The following GPR39 variants were observed in gnomAD, a reference collection of about 807,000 sequenced individuals.
GPR39 encodes the protein zinc sensing receptor.
A neutral mutation model predicts 18.4 loss-of-function variants in GPR39; 23 were observed. That is an observed-to-expected ratio of 1.25 (90% confidence interval 0.90 to 1.77). The LOEUF is 1.77. Among genes scored for constraint, GPR39 ranks in the 40% most tolerant of loss-of-function variants. GPR39 has a pLI of 0.00. For missense variants in GPR39, 647 were observed against 602.4 expected (o/e 1.07, Z -0.78); for synonymous variants, 280 against 257.9 (o/e 1.09, Z -0.82).
chr2:132,620,990 A>G (rs977656911), intron 1 of GPR39, among the ~76,000 whole-genome samples: 4 of 152,056 alleles, frequency 2.6e-5, no homozygotes, highest in South Asian at 2.1e-4. Context: ...CTGACCTCAT[A>G]ATCCACCCAC....
At chr2:132,590,744 T>C (rs1369492458) in intron 1 of GPR39, among the ~76,000 whole-genome samples, 1 of 152,024 alleles carries the variant, frequency 6.6e-6, no homozygotes, top group Non-Finnish European at 1.5e-5. Flanking sequence ...ACCAACCACC[T>C]GGGAAGACTG....
At chr2:132,532,859 G>A (rs1044645742) in intron 1 of GPR39, among the ~76,000 whole-genome samples, 1 of 152,140 alleles carries the variant, frequency 6.6e-6, no homozygotes. Context: ...AATAATAAGA[G>A]CTATCTATGA....
At chr2:132,561,747 G>A (rs1680257340) in intron 1 of GPR39, among the ~76,000 whole-genome samples, 1 of 152,076 alleles carries the variant, frequency 6.6e-6, no homozygotes, top group Non-Finnish European at 1.5e-5. Flanking sequence ...GAAAGCTGAC[G>A]GTATAAGTTC....
rs75586794 is a variant in GPR39, at chr2:132,559,257, G to C, written c.857-85844G>C. Among the ~76,000 whole-genome samples, 17 of 152,322 alleles carry C rather than the reference G, an allele frequency of 1.1e-4. No homozygotes were observed. In the East Asian group the frequency reaches 3.3e-3, roughly 29 times the overall value. ...GTGGCATGTAAAATAATTTGAAAGA[G>C]TGAGATATGGCTTTGTAAATTTTTG... On this transcript the variant is annotated intron_variant, in intron 1 of 1. Coordinates refer to ENST00000329321, the MANE Select transcript of GPR39 (RefSeq NM_001508.3).
chr2:132,427,910 T>A (rs1680156580), intron 1 of GPR39, among the ~76,000 whole-genome samples: 1 of 146,374 alleles, frequency 6.8e-6, no homozygotes, highest in Admixed American at 6.9e-5. Context: ...AATATAAAAT[T>A]ATATTTAAAT....
At chr2:132,492,123 C>CAT (rs1681476706) in intron 1 of GPR39, among the ~76,000 whole-genome samples, 1 of 148,078 alleles carries the variant, frequency 6.8e-6, no homozygotes, top group African/African-American at 2.5e-5. Context: ...ATACACACCA[C>CAT]ATATATATAC....
chr2:132,645,436 C>T lies in GPR39; in HGVS notation c.1192C>T (p.Arg398Cys). The T allele has an allele frequency of 2.5e-6, 4 of 1,613,624 alleles. No homozygotes were observed. Among genetic ancestry groups the T allele is most frequent in the East Asian group, 2.2e-5 (1 of 44,870 alleles). ...VQRPLLFASR[R>C]QSSARRTEKI... ...GCGCCCGTTGCTCTTCGCGTCCCGGCGCCAGTCCTCTGCAAGGAGAACTGA... is the reference window on the plus strand; with the variant it reads ...GCGCCCGTTGCTCTTCGCGTCCCGGTGCCAGTCCTCTGCAAGGAGAACTGA... Residue 398 changes from arginine (R) to cysteine (C), a missense_variant, in exon 2 of 2, where the codon CGC (arginine) becomes TGC (cysteine). Around this residue, in one of 3 missense-constraint regions of GPR39, gnomAD observed 581 missense variants for 506.8 expected, o/e 1.15. Transcript: ENST00000329321.
At chr2:132,575,528 CTG>C (rs1680514865) in intron 1 of GPR39, among the ~76,000 whole-genome samples, 1 of 152,200 alleles carries the variant, frequency 6.6e-6, no homozygotes, top group Non-Finnish European at 1.5e-5. Flanking sequence ...AACTGTGAAA[CTG>C]TTTTCCAGAG....
intron 1 of GPR39, among the ~76,000 whole-genome samples, chr2:132,635,826 C>T (rs565988125): frequency 7.2e-5 from 11 of 152,126 alleles, no homozygotes; most frequent in Non-Finnish European, 1.6e-4. Context: ...CTGAATAGGA[C>T]GAGTGAACAT....
intron 1 of GPR39, among the ~76,000 whole-genome samples, chr2:132,502,872 A>G (rs1679072571): frequency 6.6e-6 from 1 of 152,114 alleles, no homozygotes; most frequent in African/African-American, 2.4e-5. Flanking sequence ...GAGATTTTCT[A>G]GTGCATTTTT....
chr2:132,556,489 T>C (rs986356162), intron 1 of GPR39, among the ~76,000 whole-genome samples: 4 of 152,158 alleles, frequency 2.6e-5, no homozygotes, highest in Admixed American at 1.3e-4. Flanking sequence ...CCTGCACATA[T>C]GAATCAGAGA....
At chr2:132,481,200 C>T (rs895722357) in intron 1 of GPR39, among the ~76,000 whole-genome samples, 1 of 152,226 alleles carries the variant, frequency 6.6e-6, no homozygotes, top group Non-Finnish European at 1.5e-5. Flanking sequence ...TTACTTTAGG[C>T]ATTTCACAGG....
intron 1 of GPR39, among the ~76,000 whole-genome samples, chr2:132,563,661 G>A (rs11891782): frequency 0.39 from 59,667 of 152,030 alleles, 13,911 homozygotes; most frequent in East Asian, 0.77. Flanking sequence ...CTGGCTGCTT[G>A]TTAAAATCCT....
intron 1 of GPR39, among the ~76,000 whole-genome samples, chr2:132,458,432 C>G (rs1022936291): frequency 8.1e-6 from 1 of 123,380 alleles, no homozygotes; most frequent in Non-Finnish European, 1.7e-5. Context: ...TCTACTTTAC[C>G]TCTCTCTCTC....
chr2:132,627,200 G>T (rs1681564175), intron 1 of GPR39, among the ~76,000 whole-genome samples: 1 of 152,080 alleles, frequency 6.6e-6, no homozygotes, highest in South Asian at 2.1e-4. Flanking sequence ...CTGCTTCTCT[G>T]TGTACCCACC....
chr2:132,628,243 A>G (rs1037453060), intron 1 of GPR39, among the ~76,000 whole-genome samples: 10 of 152,162 alleles, frequency 6.6e-5, no homozygotes, highest in Admixed American at 2.6e-4. Flanking sequence ...TGGTGCCCTG[A>G]GGCTCCTGCC....
intron 1 of GPR39, among the ~76,000 whole-genome samples, chr2:132,571,668 C>T (rs568147275): frequency 1.7e-4 from 26 of 152,118 alleles, no homozygotes; most frequent in African/African-American, 5.1e-4. Flanking sequence ...TAAGGGGTTG[C>T]GGAGGCCTAC....
chr2:132,625,556 G>C (rs1312211377), intron 1 of GPR39, among the ~76,000 whole-genome samples: 5 of 152,134 alleles, frequency 3.3e-5, no homozygotes, highest in Admixed American at 2.0e-4. Flanking sequence ...AAATTTGGAA[G>C]CACCAATGGC....
chr2:132,486,178 A>G (rs1681334646), intron 1 of GPR39, among the ~76,000 whole-genome samples: 1 of 152,200 alleles, frequency 6.6e-6, no homozygotes, highest in African/African-American at 2.4e-5. Context: ...CAGTGGGCTT[A>G]AAATATTTAG....
Sources: allele counts gnomAD v4.1 joint callset (sites outside exome capture counted in the v4.1 genomes callset), GRCh38; gene constraint gnomAD v4.1.1; regional missense constraint gnomAD v4.1.1; transcripts MANE v1.5; gene names NCBI Gene and HGNC (gene_info 2026-07-23, HGNC 2026-07-21).